FNIP2: variants seen among roughly 807,000 people sequenced by gnomAD.
FNIP2 encodes folliculin interacting protein 2, also known as folliculin-interacting protein 2.
FNIP2 carries 32 observed loss-of-function variants against 108.7 expected under a neutral mutation model. The ratio of observed to expected loss-of-function variants is 0.29; its 90% confidence interval spans 0.22 to 0.40. The LOEUF (loss-of-function observed/expected upper bound fraction) is 0.40, where lower values mean the gene tolerates loss of function less well. Ranked by LOEUF, FNIP2 falls within the 10% of genes least tolerant of loss-of-function variation. The pLI is 1.00. For synonymous variants in FNIP2, 480 were observed against 496.7 expected, an observed-to-expected ratio of 0.97 and a Z score of 0.45; for missense variants, 1,202 against 1,381.6, an observed-to-expected ratio of 0.87 and a Z score of 2.06.
chr4:158,808,328 T>G (rs1464259461), intron 1 of FNIP2, among the ~76,000 whole-genome samples: 2 of 152,246 alleles, frequency 1.3e-5, no homozygotes, highest in Non-Finnish European at 1.5e-5. Flanking sequence ...AGCTGCTGCT[T>G]CTCACCTTCG....
At chr4:158,806,320 G>A (rs1214449741) in intron 1 of FNIP2, 5 of 1,289,404 alleles carry the variant, frequency 3.9e-6, no homozygotes, top group Non-Finnish European at 5.1e-6. Context: ...TGTGAGTGAT[G>A]CTGTTCCTGG....
intron 2 of FNIP2, 70 bp from the exon 3 acceptor site, chr4:158,829,009 C>A: frequency 7.8e-7 from 1 of 1,278,044 alleles, no homozygotes; most frequent in Non-Finnish European, 1.0e-6. Context: ...AAAGGAATTC[C>A]CAATGAAGAA....
chr4:158,864,230 T>C (rs1168711320), intron 12 of FNIP2, among the ~76,000 whole-genome samples: 1 of 152,110 alleles, frequency 6.6e-6, no homozygotes, highest in Non-Finnish European at 1.5e-5. Flanking sequence ...TTGCCATGTT[T>C]TGCAGGCTGG....
rs1780858880 is a variant in FNIP2 at position 158,870,231 on chromosome 4, A to G, written c.2793-82A>G. On this transcript the variant is annotated intron_variant, in intron 13 of 16. Coordinates refer to ENST00000264433, the MANE Select transcript of FNIP2 (RefSeq NM_020840.3). The stretch of plus-strand genomic sequence containing the variant: ...TGAATCTATTTTATTTACCTGTATC[A>G]TTGGAGTGCTTGTACCAATTATAAT... The G allele has an allele frequency of 2.1e-6, 3 of 1,435,854 alleles. No individual in the cohort carries two copies. The South Asian group carries it at 3.8e-5, about 18-fold the overall frequency. 88.9% of individuals were successfully genotyped at this position (1,435,854 alleles called of 1,614,324 possible).
At chr4:158,839,264 T>C (rs1376842566) in intron 7 of FNIP2, among the ~76,000 whole-genome samples, 2 of 152,204 alleles carry the variant, frequency 1.3e-5, no homozygotes. Flanking sequence ...GATATATCTC[T>C]TCTCCCATTT....
At chr4:158,787,931 G>A (rs1206341165) in intron 1 of FNIP2, among the ~76,000 whole-genome samples, 1 of 152,120 alleles carries the variant, frequency 6.6e-6, no homozygotes, top group East Asian at 1.9e-4. Context: ...AGATTTCTTT[G>A]TTTGGAACTT....
intron 1 of FNIP2, chr4:158,806,230 C>A (rs1213560970): frequency 1.6e-6 from 2 of 1,288,716 alleles, no homozygotes; most frequent in Non-Finnish European, 2.0e-6. Flanking sequence ...ACCAGAAGAA[C>A]ATTAAACCGT....
chr4:158,807,540 C>A (rs1441191297), intron 1 of FNIP2, among the ~76,000 whole-genome samples: 2 of 152,064 alleles, frequency 1.3e-5, no homozygotes, highest in Non-Finnish European at 2.9e-5. Context: ...TCACTTAAAA[C>A]ATTTTTTTCT....
intron 12 of FNIP2, among the ~76,000 whole-genome samples, chr4:158,867,292 A>G (rs1780637478): frequency 6.6e-6 from 1 of 152,196 alleles, no homozygotes; most frequent in Non-Finnish European, 1.5e-5. Flanking sequence ...TTCCAGGTTC[A>G]AGCAATTCTC....
chr4:158,869,358 G>A lies in FNIP2; in HGVS notation c.2722G>A (p.Ala908Thr). 1 of 1,612,684 alleles carries A rather than the reference G, an allele frequency of 6.2e-7. No homozygotes were observed. The highest frequency in any genetic ancestry group is 8.5e-7 in the Non-Finnish European group (1 of 1,179,380). The change falls in exon 13 of 17, where the codon GCC becomes ACC. Residue 908 changes from alanine to threonine, a missense_variant. By Grantham distance (58) the Ala-to-Thr change is moderately conservative. Around this residue, in one of 5 missense-constraint regions of FNIP2, gnomAD observed 878 missense variants for 990.3 expected, o/e 0.89. Transcript: ENST00000264433. The stretch of plus-strand genomic sequence containing the variant: ...CAGTGACGACGAAGCCTGCGCTTCA[G>A]CCATGCTAGATCTGGGTCACGGTGG... Reference protein sequence around the residue: ...GDSDDEACASAMLDLGHGGDR... With the variant: ...GDSDDEACASTMLDLGHGGDR...
chr4:158,901,139 T>TTG (rs1429643963), intron 16 of FNIP2, among the ~76,000 whole-genome samples: 25 of 147,882 alleles, frequency 1.7e-4, no homozygotes, highest in African/African-American at 5.8e-4. Flanking sequence ...TTTTTTTTTT[T>TTG]TTTTTTTTTT....
At chr4:158,829,997 C>T (rs935374331) in intron 3 of FNIP2, among the ~76,000 whole-genome samples, 7 of 152,116 alleles carry the variant, frequency 4.6e-5, no homozygotes, top group Non-Finnish European at 1.0e-4. Flanking sequence ...AGACACAGTG[C>T]TCCAGGGTCT....
At chr4:158,827,883 G>C (rs536044351) in intron 2 of FNIP2, among the ~76,000 whole-genome samples, 35 of 152,160 alleles carry the variant, frequency 2.3e-4, no homozygotes, top group African/African-American at 8.2e-4. Flanking sequence ...TCAAGCACAT[G>C]ACTGCAGGCA....
intron 1 of FNIP2, among the ~76,000 whole-genome samples, chr4:158,792,124 T>C (rs1776440120): frequency 6.6e-6 from 1 of 151,990 alleles, no homozygotes; most frequent in African/African-American, 2.4e-5. Context: ...CACACACACA[T>C]CAGGTGCTAA....
At chr4:158,804,032 G>A (rs186977086) in intron 1 of FNIP2, among the ~76,000 whole-genome samples, 95 of 152,316 alleles carry the variant, frequency 6.2e-4, no homozygotes, top group African/African-American at 2.3e-3. Flanking sequence ...TCTGCCTCCT[G>A]AGTTCAAGAG....
In FNIP2 at chr4:158,872,101, C is replaced by CT. The variant is rs1307526028; in HGVS notation, c.2949+1632_2949+1633insT. On this transcript the variant is annotated intron_variant, in intron 14 of 16. Coordinates refer to ENST00000264433, the MANE Select transcript of FNIP2 (RefSeq NM_020840.3). ...ATGAAGCCCAGTGAGCTGCTTCTGA[C>CT]AGAGGTACCAAGAGACTACAGGGGA... 18 of 985,066 alleles carry CT rather than the reference C, an allele frequency of 1.8e-5. No individual in the cohort carries two copies. In the East Asian group the frequency reaches 1.9e-3, roughly 106 times the overall value. The allele number at this position is 985,066 out of a possible 1,614,324, so 61.0% of individuals were successfully genotyped here.
chr4:158,857,780 C>CAAA (rs35070873), intron 8 of FNIP2, among the ~76,000 whole-genome samples: 4 of 137,102 alleles, frequency 2.9e-5, no homozygotes, highest in South Asian at 2.4e-4. Context: ...CCATCTCTAC[C>CAAA]AAAAAAAAAA....
At chr4:158,838,229 CTTTTTTTTT>C (rs550985480) in intron 7 of FNIP2, among the ~76,000 whole-genome samples, 1 of 117,618 alleles carries the variant, frequency 8.5e-6, no homozygotes, top group African/African-American at 3.2e-5. Context: ...TTTAGGCCTG[CTTTTTTTTT>C]TTTTTTTTTT....
intron 1 of FNIP2, among the ~76,000 whole-genome samples, chr4:158,769,711 C>T (rs985060392): frequency 1.3e-5 from 2 of 152,164 alleles, no homozygotes; most frequent in African/African-American, 2.4e-5. Context: ...GAGGGCAGCT[C>T]CAACCTATTG....
Sources: gnomAD v4.1 joint callset for allele counts (sites outside exome capture counted in the v4.1 genomes callset) on GRCh38, gnomAD v4.1.1 for gene constraint, gnomAD v4.1.1 regional missense constraint, MANE v1.5 for transcripts, NCBI Gene and HGNC (gene_info 2026-07-23, HGNC 2026-07-21) for gene names.